DSE: variants seen among roughly 807,000 people sequenced by gnomAD.
DSE encodes dermatan-sulfate epimerase.
In DSE, 36 loss-of-function variants were observed where a neutral mutation model predicts 84.4. The observed-to-expected ratio is 0.43, with a 90% CI of 0.33 to 0.56. The LOEUF is 0.56. Among genes scored for constraint, DSE ranks in the 20% least tolerant of loss-of-function variants. DSE has a pLI of 0.06. For missense variants in DSE, 862 were observed against 1,169.6 expected (o/e 0.74, Z 3.84); for synonymous variants, 410 against 430.1 (o/e 0.95, Z 0.58).
chr6:116,374,617 T>C (rs929673597), intron 1 of DSE, among the ~76,000 whole-genome samples: 2 of 152,170 alleles, frequency 1.3e-5, no homozygotes, highest in African/African-American at 4.8e-5. Context: ...TTTACAGTTA[T>C]GGAGCCCAAG....
intron 2 of DSE, among the ~76,000 whole-genome samples, chr6:116,307,527 T>TA (rs1775427843): frequency 6.6e-6 from 1 of 152,218 alleles, no homozygotes; most frequent in African/African-American, 2.4e-5. Context: ...AATGTATGCT[T>TA]ATAATAATTG....
chr6:116,366,539 A>G (rs1159791179), upstream of DSE: 2 of 152,242 alleles, frequency 1.3e-5, no homozygotes, highest in Non-Finnish European at 2.9e-5. Flanking sequence ...TTCAGAGAAC[A>G]ATATTATAAT....
At chr6:116,348,243 C>T (rs1433355600) in intron 2 of DSE, among the ~76,000 whole-genome samples, 4 of 151,954 alleles carry the variant, frequency 2.6e-5, no homozygotes, top group East Asian at 1.9e-4. Context: ...CTGGCTAACA[C>T]GGTGAAACCC....
At chr6:116,295,678 G>A (rs576424900) in intron 2 of DSE, among the ~76,000 whole-genome samples, 14 of 152,094 alleles carry the variant, frequency 9.2e-5, no homozygotes, top group Admixed American at 5.2e-4. Flanking sequence ...TATTTTTCAA[G>A]GCATCACTAA....
intron 2 of DSE, among the ~76,000 whole-genome samples, chr6:116,309,819 T>A (rs117279315): frequency 6.6e-6 from 1 of 152,296 alleles, no homozygotes; most frequent in East Asian, 1.9e-4. Flanking sequence ...AAACTCCCTC[T>A]ATCAAGCCCT....
At chr6:116,267,052 T>C (rs1471640526) in intron 2 of DSE, among the ~76,000 whole-genome samples, 1 of 152,204 alleles carries the variant, frequency 6.6e-6, no homozygotes, top group Non-Finnish European at 1.5e-5. Context: ...GTAATGCTGG[T>C]ATAAACAAAC....
intron 1 of DSE, among the ~76,000 whole-genome samples, chr6:116,371,834 T>C (rs565405857): frequency 1.9e-4 from 29 of 152,252 alleles, no homozygotes; most frequent in Non-Finnish European, 3.4e-4. Flanking sequence ...GGCTGGAATC[T>C]GAGCTAAGTT....
At chr6:116,312,106 A>G (rs1399760856) in intron 2 of DSE, among the ~76,000 whole-genome samples, 1 of 152,152 alleles carries the variant, frequency 6.6e-6, no homozygotes, top group Admixed American at 6.5e-5. Context: ...GCAGATAGGG[A>G]CCTTAGAGGT....
intron 2 of DSE, among the ~76,000 whole-genome samples, chr6:116,273,716 T>C (rs2114618817): frequency 6.6e-6 from 1 of 152,258 alleles, no homozygotes; most frequent in East Asian, 1.9e-4. Flanking sequence ...CCTGAGTTCC[T>C]CAAGGGCAAA....
chr6:116,404,259 A>G (rs1400588543), intron 2 of DSE, among the ~76,000 whole-genome samples: 1 of 152,252 alleles, frequency 6.6e-6, no homozygotes, highest in Non-Finnish European at 1.5e-5. Flanking sequence ...CAGATCCTGA[A>G]TCACTTAAGA....
At chr6:116,380,514 CAGCCAGCA>C in intron 1 of DSE, among the ~76,000 whole-genome samples, 1 of 152,166 alleles carries the variant, frequency 6.6e-6, no homozygotes, top group Admixed American at 6.6e-5. Context: ...ACAAGCAGAT[CAGCCAGCA>C]GAGCAAAGGC....
intron 1 of DSE, among the ~76,000 whole-genome samples, chr6:116,372,720 G>T (rs1779679543): frequency 6.6e-6 from 1 of 152,186 alleles, no homozygotes; most frequent in Admixed American, 6.5e-5. Flanking sequence ...TAGTAAAAAT[G>T]GAGAAGATAA....
chr6:116,427,772 G>A (rs1195704141), intron 3 of DSE, among the ~76,000 whole-genome samples: 1 of 152,190 alleles, frequency 6.6e-6, no homozygotes, highest in Non-Finnish European at 1.5e-5. Flanking sequence ...TCTTTCTGCT[G>A]TATTTTGTTA....
intron 2 of DSE, among the ~76,000 whole-genome samples, chr6:116,338,216 T>G (rs1777374363): frequency 7.5e-6 from 1 of 132,932 alleles, no homozygotes. Context: ...TTCTTTCTTC[T>G]TTCTTTTTTT....
Position 116,438,988 on chromosome 6 carries a change from A to C in DSE, c.*1643A>C, listed in dbSNP as rs922402667. ...GTCTCTAGGGAGGATGTCATTACAC[A>C]CTGTTTAAAAGAATAATGTTTTCAA... is the stretch of plus-strand genomic sequence containing the variant. On this transcript the variant is annotated 3_prime_UTR_variant, in exon 6 of 6. Coordinates refer to ENST00000644252, the MANE Select transcript of DSE (RefSeq NM_013352.4). 2.0e-5 allele frequency: 3 copies of C among 152,046 alleles called. No individual in the cohort carries two copies. In the South Asian group the frequency reaches 6.2e-4, roughly 32 times the overall value. The allele number at this position is 152,046 out of a possible 1,614,324, so 9.4% of individuals were successfully genotyped here.
intron 2 of DSE, among the ~76,000 whole-genome samples, chr6:116,299,549 TATACAC>T (rs1450761208): frequency 0.011 from 580 of 50,764 alleles, 32 homozygotes; most frequent in East Asian, 0.052. Context: ...TATATATATA[TATACAC>T]ATACACACAC....
intron 2 of DSE, among the ~76,000 whole-genome samples, chr6:116,330,937 A>G (rs562420778): frequency 1.4e-3 from 215 of 152,336 alleles, no homozygotes; most frequent in Non-Finnish European, 2.2e-3. Flanking sequence ...AAATGTCACA[A>G]GTTGAGTTTG....
intron 1 of DSE, among the ~76,000 whole-genome samples, chr6:116,257,619 G>T (rs1432021274): frequency 6.6e-6 from 1 of 152,178 alleles, no homozygotes; most frequent in Non-Finnish European, 1.5e-5. Flanking sequence ...TTGGTGTCTG[G>T]TGAGGGCCTA....
At chr6:116,368,414 G>A (rs1018352889), upstream of DSE, among the ~76,000 whole-genome samples, 3 of 152,162 alleles carry the variant, frequency 2.0e-5, no homozygotes, top group Non-Finnish European at 4.4e-5. Context: ...AAATTGAGAG[G>A]TGGAATTACT....
Sources: gnomAD v4.1 joint callset for allele counts (sites outside exome capture counted in the v4.1 genomes callset) on GRCh38, gnomAD v4.1.1 for gene constraint, MANE v1.5 for transcripts, NCBI Gene and HGNC (gene_info 2026-07-23, HGNC 2026-07-21) for gene names.